Variants in MAPRE3 observed in about 807,000 individuals in gnomAD.
MAPRE3 encodes microtubule-associated protein RP/EB family member 3.
MAPRE3 carries 2 observed loss-of-function variants against 30.5 expected under a neutral mutation model. That is an observed-to-expected ratio of 0.07 (90% CI 0.03 to 0.21). The LOEUF is 0.21. Ranked by LOEUF, MAPRE3 falls within the 10% of genes least tolerant of loss-of-function variation. The probability of loss-of-function intolerance (pLI) is 1.00; values close to 1 mark genes in which losing one functional copy is unlikely to be tolerated. For synonymous variants in MAPRE3, 110 were observed against 127.7 expected (o/e 0.86, Z 0.93); for missense variants, 204 against 351.8 (o/e 0.58, Z 3.36).
intron 1 of MAPRE3, among the ~76,000 whole-genome samples, chr2:26,998,386 T>G (rs1344077159): frequency 6.6e-6 from 1 of 152,182 alleles, no homozygotes; most frequent in East Asian, 1.9e-4. Context: ...TGCACAGAAC[T>G]GAAGTCAGTA....
At chr2:26,980,402 A>C (rs1263805116) in intron 1 of MAPRE3, among the ~76,000 whole-genome samples, 1 of 152,246 alleles carries the variant, frequency 6.6e-6, no homozygotes, top group Non-Finnish European at 1.5e-5. Flanking sequence ...CTTTATCAGC[A>C]AACATATAAA....
In MAPRE3 at chr2:27,015,320, G is replaced by A. The variant is rs1397761235; in HGVS notation, c.-7-6892G>A. Among the ~76,000 whole-genome samples the A allele has an allele frequency of 1.3e-5, 2 of 152,240 alleles. No homozygotes were observed. Among genetic ancestry groups the A allele is most frequent in the African/African-American group, 2.4e-5 (1 of 41,462 alleles). On this transcript the variant is annotated intron_variant, in intron 1 of 6. Transcript: ENST00000233121. The surrounding 1 kb of genome is among the most constrained non-coding windows in gnomAD (Gnocchi z 4.0). ...CTTAATCCTCATAACTGTTCTGTGAGGTGGGAGCTGTCACTGTCCTCACTT... is the reference window on the plus strand; with the variant it reads ...CTTAATCCTCATAACTGTTCTGTGAAGTGGGAGCTGTCACTGTCCTCACTT...
Position 26,999,181 on chromosome 2 carries a change from G to C in MAPRE3, c.-7-23031G>C, listed in dbSNP as rs189774804. On this transcript the variant is annotated intron_variant, in intron 1 of 6. Coordinates refer to ENST00000233121, the MANE Select transcript of MAPRE3 (RefSeq NM_012326.4). ...GTGGAATTGATCCTACAGATGTTTGGTCTTGATCCTACAGAATAGAGATAT... is the reference window on the plus strand; with the variant it reads ...GTGGAATTGATCCTACAGATGTTTGCTCTTGATCCTACAGAATAGAGATAT... Among the ~76,000 whole-genome samples the C allele has an allele frequency of 2.0e-5, 3 of 152,286 alleles. No individual in the cohort carries two copies. The East Asian group carries it at 5.8e-4, about 29-fold the overall frequency.
At chr2:27,018,401 C>A (rs910088355) in intron 1 of MAPRE3, among the ~76,000 whole-genome samples, 7 of 152,212 alleles carry the variant, frequency 4.6e-5, no homozygotes, top group Admixed American at 3.9e-4. Flanking sequence ...GGGGACCTGG[C>A]AGAGTCTGAC....
chr2:27,026,559 C>G lies in MAPRE3; in HGVS notation c.*211C>G. Reference sequence around the variant, plus strand: ...TGGTGCTGGCCCAGTTGGTGGGACCCCTGTCCACACCCACCCTATTTATTT... The same window carrying G: ...TGGTGCTGGCCCAGTTGGTGGGACCGCTGTCCACACCCACCCTATTTATTT... On this transcript the variant is annotated 3_prime_UTR_variant, in exon 7 of 7. Coordinates refer to ENST00000233121, the MANE Select transcript of MAPRE3 (RefSeq NM_012326.4). 1 of 507,250 alleles carries G rather than the reference C, an allele frequency of 2.0e-6. No individual in the cohort carries two copies. The highest frequency in any genetic ancestry group is 3.5e-6 in the Non-Finnish European group (1 of 288,872). The allele number at this position is 507,250 out of a possible 1,614,324, so 31.4% of individuals were successfully genotyped here. A position where few individuals can be genotyped will look rare whatever the true frequency, so the allele number is the denominator to read the frequency against.
chr2:27,000,288 A>G (rs966767655), intron 1 of MAPRE3, among the ~76,000 whole-genome samples: 9 of 152,328 alleles, frequency 5.9e-5, no homozygotes, highest in East Asian at 5.8e-4. Flanking sequence ...GTTGAAAGAC[A>G]TGGTTTCTGC....
chr2:27,003,986 T>C (rs1339539807), intron 1 of MAPRE3, among the ~76,000 whole-genome samples: 3 of 152,304 alleles, frequency 2.0e-5, no homozygotes, highest in Admixed American at 2.0e-4. Context: ...TTTAGAATTA[T>C]TAGTAATGTT....
At chr2:26,994,693 T>G (rs1666414707) in intron 1 of MAPRE3, among the ~76,000 whole-genome samples, 1 of 152,192 alleles carries the variant, frequency 6.6e-6, no homozygotes, top group Non-Finnish European at 1.5e-5. Flanking sequence ...TAGGAAGACA[T>G]TGTAGTTTTA....
At position 26,995,825 on chromosome 2, in the gene MAPRE3, G is replaced by GTGTGTGTGTGTGTGTGTA. The variant is rs1473997599; in HGVS notation, c.-8+25028_-8+25029insGTGTGTGTGTGTATGTGT. 7.7e-4 allele frequency among the ~76,000 whole-genome samples: 115 copies of GTGTGTGTGTGTGTGTGTA among 149,260 alleles called. No individual in the cohort carries two copies. In the East Asian group the frequency reaches 8.8e-3, roughly 11 times the overall value. On this transcript the variant is annotated intron_variant, in intron 1 of 6. Transcript: ENST00000233121. ...TGTGTGTGTGTGTGTGTGTGTGTGT[G>GTGTGTGTGTGTGTGTGTA]TGTGTATGTGTGTGTGTTTTGGAAA...
At chr2:26,999,639 G>A (rs1666546124) in intron 1 of MAPRE3, among the ~76,000 whole-genome samples, 1 of 151,828 alleles carries the variant, frequency 6.6e-6, no homozygotes, top group Non-Finnish European at 1.5e-5. Flanking sequence ...GAGTAGCTGG[G>A]ATTACAGGCA....
intron 1 of MAPRE3, among the ~76,000 whole-genome samples, chr2:26,995,779 A>AGGTGTGTG (rs1666439599): frequency 3.2e-5 from 1 of 31,044 alleles, no homozygotes; most frequent in Non-Finnish European, 7.8e-5. Flanking sequence ...TTTCTAAGAG[A>AGGTGTGTG]GGTGTGTGTG....
intron 3 of MAPRE3, 71 bp from the exon 4 acceptor site, chr2:27,024,025 G>A (rs1667174536): frequency 4.1e-6 from 5 of 1,212,752 alleles, no homozygotes; most frequent in Non-Finnish European, 4.8e-6. Context: ...GAGAGCAGTG[G>A]CCCTCAGCAG....
At chr2:27,013,788 A>G (rs184934971) in intron 1 of MAPRE3, 3 of 152,232 alleles carry the variant, frequency 2.0e-5, no homozygotes, top group Non-Finnish European at 4.4e-5. Context: ...AGGGTGCAGG[A>G]AAGAAGATGT....
intron 1 of MAPRE3, among the ~76,000 whole-genome samples, chr2:27,016,709 G>A (rs1242930444): frequency 6.6e-6 from 1 of 152,096 alleles, no homozygotes; most frequent in African/African-American, 2.4e-5. Flanking sequence ...GTAATTGGAG[G>A]CAGCTGGTCC....
In MAPRE3 at chr2:26,970,702, C is replaced by A; in HGVS notation, c.-108C>A. 6.5e-6 allele frequency: 1 copy of A among 152,674 alleles called. No individual in the cohort carries two copies. The highest frequency in any genetic ancestry group is 2.0e-4 in the South Asian group (1 of 4,918). 9.5% of individuals were successfully genotyped at this position (152,674 alleles called of 1,614,324 possible). A position where few individuals can be genotyped will look rare whatever the true frequency, so the allele number is the denominator to read the frequency against. Reference sequence around the variant, plus strand: ...AGACCGCGGCGGCCTCAGCGAGGACCCTCCGCCCCGGAGCCGCCGGCCGGA... The same window carrying A: ...AGACCGCGGCGGCCTCAGCGAGGACACTCCGCCCCGGAGCCGCCGGCCGGA... On this transcript the variant is annotated 5_prime_UTR_variant, in exon 1 of 7. Transcript: ENST00000233121.
chr2:27,023,241 G>A (rs893416370), intron 2 of MAPRE3, 91 bp from the exon 3 acceptor site: 2 of 1,406,626 alleles, frequency 1.4e-6, no homozygotes, highest in African/African-American at 2.9e-5. Flanking sequence ...AACAAGGAGA[G>A]AGAAGAGGAG....
At position 26,973,640 on chromosome 2, in the gene MAPRE3, C is replaced by T. The variant is rs530892637; in HGVS notation, c.-8+2838C>T. 6.6e-5 allele frequency among the ~76,000 whole-genome samples: 10 copies of T among 151,912 alleles called. No homozygotes were observed. The East Asian group carries it at 1.7e-3, about 27-fold the overall frequency. On this transcript the variant is annotated intron_variant, in intron 1 of 6. Transcript: ENST00000233121. ...CGCAATCTCGGCTCACTGCAAGCTCCGCTTCCCGGGGTTCACGCCATTCTC... is the reference window on the plus strand; with the variant it reads ...CGCAATCTCGGCTCACTGCAAGCTCTGCTTCCCGGGGTTCACGCCATTCTC...
chr2:26,982,608 T>C (rs1400542505), intron 1 of MAPRE3, among the ~76,000 whole-genome samples: 2 of 152,242 alleles, frequency 1.3e-5, no homozygotes, highest in African/African-American at 4.8e-5. Flanking sequence ...ATGGACTCTC[T>C]ATAAACACAG....
chr2:26,977,380 G>A (rs1333217375), intron 1 of MAPRE3, among the ~76,000 whole-genome samples: 2 of 152,172 alleles, frequency 1.3e-5, no homozygotes, highest in Non-Finnish European at 2.9e-5. Flanking sequence ...GTAAAACCTT[G>A]TATACCACAG....
Sources: gnomAD v4.1 joint callset for allele counts (sites outside exome capture counted in the v4.1 genomes callset) on GRCh38, gnomAD v4.1.1 for gene constraint, Gnocchi (gnomAD v3.1) non-coding constraint, MANE v1.5 for transcripts, NCBI Gene and HGNC (gene_info 2026-07-23, HGNC 2026-07-21) for gene names.